The following KIAA1671 variants were observed in gnomAD, a reference collection of about 807,000 sequenced individuals.
KIAA1671 encodes the protein uncharacterized protein KIAA1671.
Under a neutral mutation model 131.2 loss-of-function variants are expected in KIAA1671, and 52 were observed. That is an observed-to-expected ratio of 0.40 (90% CI 0.32 to 0.50). KIAA1671 has a LOEUF of 0.50. Ranked by LOEUF, KIAA1671 falls within the 20% of genes least tolerant of loss-of-function variation. KIAA1671 has a pLI of 0.73. For synonymous variants in KIAA1671, 1,003 were observed against 961.6 expected (o/e 1.04, Z -0.80); for missense variants, 2,360 against 2,364.2 (o/e 1.00, Z 0.04).
At chr22:25,035,335 C>T (rs1926530475) in intron 4 of KIAA1671, among the ~76,000 whole-genome samples, 1 of 152,168 alleles carries the variant, frequency 6.6e-6, no homozygotes. Context: ...GTGTGAGCCA[C>T]CGCGTCCGGC....
chr22:24,974,072 C>A (rs1922782977), intron 1 of KIAA1671, among the ~76,000 whole-genome samples: 1 of 152,120 alleles, frequency 6.6e-6, no homozygotes, highest in Non-Finnish European at 1.5e-5. Flanking sequence ...CTGGCAGGCC[C>A]TCAGCAAATG....
chr22:25,090,592 C>G (rs910869222), intron 6 of KIAA1671, among the ~76,000 whole-genome samples: 1 of 152,270 alleles, frequency 6.6e-6, no homozygotes, highest in Non-Finnish European at 1.5e-5. Flanking sequence ...AGAGAAACAG[C>G]CAGGGGCTGG....
chr22:25,006,180 C>T (rs527382342), intron 1 of KIAA1671, among the ~76,000 whole-genome samples: 7 of 152,116 alleles, frequency 4.6e-5, no homozygotes, highest in South Asian at 2.1e-4. Context: ...TACATGCGCC[C>T]GCCACCATGC....
intron 6 of KIAA1671, among the ~76,000 whole-genome samples, chr22:25,169,879 T>G (rs1476434693): frequency 6.6e-6 from 1 of 152,206 alleles, no homozygotes; most frequent in Admixed American, 6.5e-5. Flanking sequence ...TGAATTCCAC[T>G]TCGCTGGCTG....
intron 6 of KIAA1671, among the ~76,000 whole-genome samples, chr22:25,065,699 G>A (rs1187642433): frequency 6.6e-6 from 1 of 150,416 alleles, no homozygotes; most frequent in Non-Finnish European, 1.5e-5. Flanking sequence ...GAGTGCAGTG[G>A]TGCGATCTCG....
chr22:25,084,238 A>G (rs1929573331), intron 6 of KIAA1671, among the ~76,000 whole-genome samples: 1 of 152,122 alleles, frequency 6.6e-6, no homozygotes, highest in African/African-American at 2.4e-5. Flanking sequence ...GCACTTTGGG[A>G]GGCCGAGGCG....
intron 6 of KIAA1671, among the ~76,000 whole-genome samples, chr22:25,162,110 A>G (rs1277164696): frequency 6.6e-6 from 1 of 152,110 alleles, no homozygotes; most frequent in East Asian, 1.9e-4. Context: ...TGGGTTCCTC[A>G]TGGTTCCTAC....
chr22:24,987,463 G>A (rs1294533643), intron 1 of KIAA1671, among the ~76,000 whole-genome samples: 4 of 151,876 alleles, frequency 2.6e-5, no homozygotes, highest in Admixed American at 1.3e-4. Context: ...GAGCCACTGC[G>A]CCTGGCCTAT....
intron 10 of KIAA1671, among the ~76,000 whole-genome samples, chr22:25,184,112 T>C (rs942494795): frequency 2.0e-5 from 3 of 152,238 alleles, no homozygotes; most frequent in Middle Eastern, 3.2e-3. Flanking sequence ...ACAGCAGTGC[T>C]AGGCGATTAT....
At chr22:25,036,755 C>T (rs1926619276) in intron 4 of KIAA1671, among the ~76,000 whole-genome samples, 1 of 151,618 alleles carries the variant, frequency 6.6e-6, no homozygotes, top group Non-Finnish European at 1.5e-5. Context: ...CCCATCTGTA[C>T]TAAAAATACA....
At chr22:25,092,159 A>G (rs1459541799) in intron 6 of KIAA1671, among the ~76,000 whole-genome samples, 1 of 152,230 alleles carries the variant, frequency 6.6e-6, no homozygotes, top group Non-Finnish European at 1.5e-5. Context: ...AAGATAAATA[A>G]TTCCAAATAC....
At chr22:25,093,786 C>CTCTCTCTGTCTCTCTCTCTT (rs1568951274) in intron 6 of KIAA1671, among the ~76,000 whole-genome samples, 1 of 75,584 alleles carries the variant, frequency 1.3e-5, no homozygotes, top group Admixed American at 1.3e-4. Context: ...CTCTCTCTCT[C>CTCTCTCTGTCTCTCTCTCTT]TCTCTCTCTC....
chr22:25,182,421 CCTT>C (rs969834472), intron 10 of KIAA1671, among the ~76,000 whole-genome samples: 57 of 150,638 alleles, frequency 3.8e-4, no homozygotes, highest in African/African-American at 1.2e-3. Flanking sequence ...CCTTTTTTAT[CCTT>C]CTTTTTTTCC....
At chr22:25,104,915 C>T (rs1483499429) in intron 6 of KIAA1671, among the ~76,000 whole-genome samples, 1 of 152,092 alleles carries the variant, frequency 6.6e-6, no homozygotes, top group Non-Finnish European at 1.5e-5. Flanking sequence ...ACCATAGGTC[C>T]CCTCAAGCCC....
chr22:25,090,609 C>T lies in KIAA1671; in HGVS notation c.4530+41245C>T, dbSNP rs140634503. Among the ~76,000 whole-genome samples, 674 of 152,390 alleles carry T rather than the reference C, an allele frequency of 4.4e-3. 3 individuals are homozygous for T. Among genetic ancestry groups the T allele is most frequent in the African/African-American group, 0.014 (601 of 41,600 alleles). ...AGAAACAGCCAGGGGCTGGCCCCTT[C>T]TGCCTCTGTAAGGCAAGAAGAATGA... On this transcript the variant is annotated intron_variant, in intron 6 of 12. Transcript: ENST00000358431.
chr22:25,135,988 T>TC (rs1386101040), intron 6 of KIAA1671, among the ~76,000 whole-genome samples: 1 of 152,182 alleles, frequency 6.6e-6, no homozygotes, highest in Non-Finnish European at 1.5e-5. Context: ...CTCAGGAAGG[T>TC]GAAGTGGCTT....
chr22:25,051,179 G>T, intron 6 of KIAA1671: 1 of 152,428 alleles, frequency 6.6e-6, no homozygotes, highest in East Asian at 1.9e-4. Flanking sequence ...GAGTGCTGGG[G>T]CCTCAGACCT....
intron 6 of KIAA1671, among the ~76,000 whole-genome samples, chr22:25,101,385 C>T (rs1930659825): frequency 6.6e-6 from 1 of 152,214 alleles, no homozygotes; most frequent in African/African-American, 2.4e-5. Context: ...AGACTCTCCA[C>T]AGCATGGAAA....
intron 1 of KIAA1671, among the ~76,000 whole-genome samples, chr22:24,995,752 T>C (rs1253283010): frequency 6.6e-6 from 1 of 152,268 alleles, no homozygotes; most frequent in Non-Finnish European, 1.5e-5. Flanking sequence ...ACTTCATGTA[T>C]GTGATCTCAT....
Sources: gnomAD v4.1 joint callset for allele counts (sites outside exome capture counted in the v4.1 genomes callset) on GRCh38, gnomAD v4.1.1 for gene constraint, MANE v1.5 for transcripts, NCBI Gene and HGNC (gene_info 2026-07-23, HGNC 2026-07-21) for gene names.